BAZ2B: variants seen among roughly 807,000 people sequenced by gnomAD.
BAZ2B encodes the protein bromodomain adjacent to zinc finger domain 2B, also known as bromodomain adjacent to zinc finger domain protein 2B.
Under a neutral mutation model 246.0 loss-of-function variants are expected in BAZ2B, and 91 were observed. The ratio of observed to expected loss-of-function variants is 0.37; its 90% CI spans 0.31 to 0.44. The LOEUF (loss-of-function observed/expected upper bound fraction) is 0.44. Ranked by LOEUF, BAZ2B falls within the 20% of genes least tolerant of loss-of-function variation. The pLI is 1.00. For synonymous variants in BAZ2B, 855 were observed against 860.0 expected (o/e 0.99, Z 0.10); for missense variants, 2,332 against 2,533.7 (o/e 0.92, Z 1.71).
intron 2 of BAZ2B, among the ~76,000 whole-genome samples, chr2:159,490,518 G>T (rs1251732563): frequency 6.6e-6 from 1 of 151,824 alleles, no homozygotes; most frequent in African/African-American, 2.4e-5. Context: ...GAGTTTTTTT[G>T]TTTGTTTGTT....
intron 15 of BAZ2B, 40 bp downstream of exon 15, chr2:159,404,982 T>C (rs375850587): frequency 6.2e-7 from 1 of 1,612,036 alleles, no homozygotes; most frequent in Non-Finnish European, 8.5e-7. Context: ...AATTCCCCAG[T>C]ACTGACTCTT....
intron 34 of BAZ2B, among the ~76,000 whole-genome samples, chr2:159,326,459 TAAG>T (rs1198382627): frequency 6.6e-6 from 1 of 152,094 alleles, no homozygotes; most frequent in African/African-American, 2.4e-5. Context: ...GTATTTGCAA[TAAG>T]AAGAGAGTTC....
At position 159,412,449 on chromosome 2, in the gene BAZ2B, G is replaced by A. The variant is rs2066971566; in HGVS notation, c.2563C>T (p.Arg855Ter). ...CTCATCCTGGATTCCTCTCTTGCTC[G>A]TTGTCTATCTGGATTTGGTGGTCTT... ...RGRPPNPDRQ[R>*]AREESRMRRR... Residue 855 changes from arginine to a stop codon, truncating the protein, a stop_gained, in exon 14 of 37, where the codon CGA (arginine) becomes TGA (stop). Transcript: ENST00000392783. LOFTEE classifies it high-confidence loss of function. The A allele has an allele frequency of 1.2e-6, 2 of 1,613,884 alleles. No homozygotes were observed. The highest frequency in any genetic ancestry group is 1.7e-5 in the Admixed American group (1 of 59,986).
intron 14 of BAZ2B, among the ~76,000 whole-genome samples, chr2:159,409,556 G>A (rs1035078402): frequency 1.3e-5 from 2 of 152,096 alleles, no homozygotes; most frequent in African/African-American, 4.8e-5. Context: ...TCACTATTCT[G>A]AAACTTTCTT....
chr2:159,536,373 T>A (rs1426968608), intron 2 of BAZ2B: 1 of 152,162 alleles, frequency 6.6e-6, no homozygotes, highest in Non-Finnish European at 1.5e-5. Context: ...AATGGAAAAT[T>A]TTCTAAGTGT....
At chr2:159,638,897 T>C in the BAZ2B span, among the ~76,000 whole-genome samples, 2 of 151,994 alleles carry the variant, frequency 1.3e-5, no homozygotes, top group Non-Finnish European at 2.9e-5. Flanking sequence ...TACAAGAAGG[T>C]TACAGAACAC....
chr2:159,563,171 G>T (rs1244529942), intron 1 of BAZ2B, among the ~76,000 whole-genome samples: 1 of 152,132 alleles, frequency 6.6e-6, no homozygotes, highest in Non-Finnish European at 1.5e-5. Context: ...ACATTGCTAT[G>T]AATATTTAGA....
chr2:159,503,185 C>T (rs111890865), intron 2 of BAZ2B, among the ~76,000 whole-genome samples: 144 of 152,264 alleles, frequency 9.5e-4, no homozygotes, highest in African/African-American at 3.4e-3. Context: ...TTCTATATCA[C>T]CTGTATGATA....
rs372165013 is a variant in BAZ2B at position 159,529,454 on chromosome 2, C to T, written c.-3+26369G>A. On this transcript the variant is annotated intron_variant, in intron 2 of 36. Transcript: ENST00000392783. ...GGAATATGCAAAGCACAATCTCTCT[C>T]AGTATCGTGGCATTTACTGTTTTCT... 2.6e-5 allele frequency among the ~76,000 whole-genome samples: 4 copies of T among 152,344 alleles called. No individual in the cohort carries two copies. In the East Asian group the frequency reaches 5.8e-4, roughly 22 times the overall value.
At chr2:159,333,846 G>T (rs1186756237) in intron 33 of BAZ2B, among the ~76,000 whole-genome samples, 1 of 152,042 alleles carries the variant, frequency 6.6e-6, no homozygotes. Context: ...GTTAACAAAT[G>T]TTTATCAAAT....
chr2:159,708,198 G>A, the BAZ2B span, among the ~76,000 whole-genome samples: 1 of 151,936 alleles, frequency 6.6e-6, no homozygotes, highest in Non-Finnish European at 1.5e-5. Flanking sequence ...GGAGGCTGAG[G>A]CAGGAGGACA....
chr2:159,603,299 C>T (rs187617729), intron 1 of BAZ2B, among the ~76,000 whole-genome samples: 20 of 152,232 alleles, frequency 1.3e-4, no homozygotes, highest in Non-Finnish European at 2.4e-4. Context: ...ACAGCTACTT[C>T]GTAAAAATAC....
chr2:159,611,995 C>T (rs548838646), intron 1 of BAZ2B, among the ~76,000 whole-genome samples: 23 of 151,982 alleles, frequency 1.5e-4, no homozygotes, highest in South Asian at 1.0e-3. Context: ...TTTAGTATGA[C>T]ACCATTTTAG....
At chr2:159,398,292 G>C (rs2064383583) in intron 18 of BAZ2B, 1 of 152,106 alleles carries the variant, frequency 6.6e-6, no homozygotes, top group African/African-American at 2.4e-5. Context: ...AATACATGAA[G>C]TTAAAATAAT....
At chr2:159,333,556 T>G (rs896183104) in intron 33 of BAZ2B, among the ~76,000 whole-genome samples, 7 of 152,110 alleles carry the variant, frequency 4.6e-5, no homozygotes, top group South Asian at 2.1e-4. Flanking sequence ...ATTAACACTG[T>G]TTTTTGACAT....
the BAZ2B span, chr2:159,710,916 A>G: frequency 6.6e-6 from 1 of 152,348 alleles, no homozygotes; most frequent in East Asian, 1.9e-4. Flanking sequence ...TAAGTCACAG[A>G]AAGAAACAAT....
intron 2 of BAZ2B, among the ~76,000 whole-genome samples, chr2:159,535,027 C>T (rs888130508): frequency 1.3e-5 from 2 of 149,222 alleles, no homozygotes; most frequent in Non-Finnish European, 2.9e-5. Context: ...AATAAGTATG[C>T]CAATAATAAA....
chr2:159,581,082 T>C (rs1224021258), intron 1 of BAZ2B, among the ~76,000 whole-genome samples: 4 of 151,964 alleles, frequency 2.6e-5, no homozygotes, highest in East Asian at 1.9e-4. Flanking sequence ...CTAATTAAAC[T>C]AAAGAGCTTC....
Position 159,478,699 on chromosome 2 carries a change from T to C in BAZ2B, c.21A>G (p.Leu7=). The C allele has an allele frequency of 6.3e-7, 1 of 1,597,282 alleles. No homozygotes were observed. The change falls in exon 3 of 37, where the codon TTA becomes TTG. Residue 7 remains leucine (L), a synonymous_variant. Transcript: ENST00000392783. MESGER[L]PSSAASSTTP... ...TAGTAGAGGAGGCTGCTGAGGATGGTAACCGTTCTCCAGACTCCATATCTA... is the reference window on the plus strand; with the variant it reads ...TAGTAGAGGAGGCTGCTGAGGATGGCAACCGTTCTCCAGACTCCATATCTA...
Sources: gnomAD v4.1 joint callset for allele counts (sites outside exome capture counted in the v4.1 genomes callset) on GRCh38, gnomAD v4.1.1 for gene constraint, MANE v1.5 for transcripts, NCBI Gene and HGNC (gene_info 2026-07-23, HGNC 2026-07-21) for gene names.